JARID2: variants seen among roughly 807,000 people sequenced by gnomAD.
The protein encoded by JARID2 is jumonji and AT-rich interaction domain containing 2.
A neutral mutation model predicts 125.6 loss-of-function variants in JARID2; 21 were observed. The observed-to-expected ratio is 0.17, with a 90% CI of 0.12 to 0.24. The LOEUF is 0.24. JARID2 is among the 10% of genes least tolerant of loss of function. The probability of loss-of-function intolerance (pLI) is 1.00; values close to 1 mark genes in which losing one functional copy is unlikely to be tolerated. For synonymous variants in JARID2, 736 were observed against 661.6 expected (o/e 1.11, Z -1.73); for missense variants, 1,303 against 1,639.6 (o/e 0.79, Z 3.55).
intron 16 of JARID2, among the ~76,000 whole-genome samples, chr6:15,515,784 G>A (rs1315606695): frequency 2.0e-5 from 3 of 151,300 alleles, no homozygotes; most frequent in Non-Finnish European, 4.4e-5. Flanking sequence ...AACCAGGCAC[G>A]GTGGCTTATG....
chr6:15,515,238 G>A (rs1771490916), intron 16 of JARID2, among the ~76,000 whole-genome samples: 1 of 151,496 alleles, frequency 6.6e-6, no homozygotes, highest in African/African-American at 2.4e-5. Context: ...ATGGGGTTTT[G>A]CTGTTACCCA....
intron 1 of JARID2, among the ~76,000 whole-genome samples, chr6:15,361,309 C>G (rs1763783916): frequency 6.6e-6 from 1 of 152,172 alleles, no homozygotes; most frequent in African/African-American, 2.4e-5. Context: ...CACTGTCCCC[C>G]ATGATTTACC....
intron 1 of JARID2, among the ~76,000 whole-genome samples, chr6:15,345,963 A>G (rs538367277): frequency 6.6e-6 from 1 of 152,240 alleles, no homozygotes; most frequent in African/African-American, 2.4e-5. Context: ...TGGAGTGGTG[A>G]TATATGAAAC....
intron 5 of JARID2, among the ~76,000 whole-genome samples, chr6:15,473,649 A>G (rs937844406): frequency 1.3e-5 from 2 of 151,384 alleles, no homozygotes; most frequent in Admixed American, 6.6e-5. Context: ...TATGGGTTTT[A>G]TGTATTTGTT....
At chr6:15,517,753 G>GA (rs1771634377) in intron 17 of JARID2, among the ~76,000 whole-genome samples, 1 of 152,240 alleles carries the variant, frequency 6.6e-6, no homozygotes, top group Non-Finnish European at 1.5e-5. Context: ...CTCTTCTGGA[G>GA]AGGGGGGTCA....
At chr6:15,253,451 C>T (rs559269254) in intron 1 of JARID2, among the ~76,000 whole-genome samples, 1 of 151,148 alleles carries the variant, frequency 6.6e-6, no homozygotes, top group Non-Finnish European at 1.5e-5. Context: ...GTGGAAGACT[C>T]ATGTTTCCAG....
At chr6:15,516,612 C>T (rs950048317) in intron 16 of JARID2, among the ~76,000 whole-genome samples, 2 of 152,202 alleles carry the variant, frequency 1.3e-5, no homozygotes, top group South Asian at 2.1e-4. Context: ...TGCATGGGGT[C>T]GTTGGACGCC....
At chr6:15,272,729 G>A (rs1354150603) in intron 1 of JARID2, among the ~76,000 whole-genome samples, 1 of 152,080 alleles carries the variant, frequency 6.6e-6, no homozygotes, top group Non-Finnish European at 1.5e-5. Context: ...CATAGTCCTG[G>A]GTTTGAAGCC....
intron 1 of JARID2, among the ~76,000 whole-genome samples, chr6:15,350,224 G>A (rs11753952): frequency 0.077 from 11,681 of 152,174 alleles, 549 homozygotes; most frequent in African/African-American, 0.13. Flanking sequence ...GTCTAAGGGT[G>A]AAGTCACAGA....
intron 1 of JARID2, among the ~76,000 whole-genome samples, chr6:15,310,836 G>A (rs762986766): frequency 8.5e-5 from 13 of 152,120 alleles, no homozygotes; most frequent in East Asian, 1.9e-4. Context: ...AAATAATTTC[G>A]TGCCAGAAAC....
At chr6:15,319,257 G>A (rs1014292063) in intron 1 of JARID2, among the ~76,000 whole-genome samples, 28 of 152,014 alleles carry the variant, frequency 1.8e-4, no homozygotes, top group African/African-American at 6.5e-4. Flanking sequence ...TGAAGTTGGT[G>A]GACCAATGAG....
chr6:15,367,388 T>C (rs920536201), intron 1 of JARID2, among the ~76,000 whole-genome samples: 1 of 152,184 alleles, frequency 6.6e-6, no homozygotes, highest in Non-Finnish European at 1.5e-5. Flanking sequence ...AGGCTAGTAA[T>C]AGAAAATTCC....
Position 15,487,501 on chromosome 6 carries a change from C to T in JARID2, c.865C>T (p.His289Tyr). ...SAKGLAATHH[H>Y]PPLHRSAQDL... ...CAAGGGGCTTGCTGCCACCCATCACCACCCCCCTCTGCATCGGTCGGCTCA... is the reference window on the plus strand; with the variant it reads ...CAAGGGGCTTGCTGCCACCCATCACTACCCCCCTCTGCATCGGTCGGCTCA... Residue 289 changes from histidine to tyrosine, a missense_variant, in exon 6 of 18, where the codon CAC becomes TAC. Physicochemically the swap from His to Tyr is moderately conservative, Grantham distance 83. Transcript: ENST00000341776. 1 of 1,614,002 alleles carries T rather than the reference C, an allele frequency of 6.2e-7. No individual in the cohort carries two copies. Among genetic ancestry groups the T allele is most frequent in the South Asian group, 1.1e-5 (1 of 91,050 alleles).
intron 2 of JARID2, among the ~76,000 whole-genome samples, chr6:15,384,150 G>A (rs1764695670): frequency 6.6e-6 from 1 of 152,104 alleles, no homozygotes; most frequent in African/African-American, 2.4e-5. Context: ...CCAGGCCCAA[G>A]TGCACTGGGT....
At chr6:15,293,233 G>A (rs1001212716) in intron 1 of JARID2, among the ~76,000 whole-genome samples, 1 of 152,184 alleles carries the variant, frequency 6.6e-6, no homozygotes, top group African/African-American at 2.4e-5. Context: ...TTACAGTATG[G>A]TCAGTGAACT....
chr6:15,490,485 G>A (rs1161381972), intron 6 of JARID2, among the ~76,000 whole-genome samples: 3 of 152,294 alleles, frequency 2.0e-5, no homozygotes, highest in South Asian at 2.1e-4. Context: ...CCTAGAACCC[G>A]AGAGTTAGAA....
chr6:15,469,290 G>GTC (rs1165786020), intron 5 of JARID2, among the ~76,000 whole-genome samples: 3 of 76,782 alleles, frequency 3.9e-5, no homozygotes, highest in African/African-American at 1.6e-4. Flanking sequence ...CTCTGTCTCT[G>GTC]TCTCTCTGTC....
At chr6:15,322,211 T>C (rs772350411) in intron 1 of JARID2, among the ~76,000 whole-genome samples, 1 of 152,182 alleles carries the variant, frequency 6.6e-6, no homozygotes, top group Non-Finnish European at 1.5e-5. Flanking sequence ...TGTAGAATCA[T>C]AGGGTCATTT....
At chr6:15,338,239 G>T (rs912140827) in intron 1 of JARID2, among the ~76,000 whole-genome samples, 1 of 152,148 alleles carries the variant, frequency 6.6e-6, no homozygotes, top group Non-Finnish European at 1.5e-5. Context: ...AGAAGGAAGG[G>T]AATGAGGGAC....
Sources: gnomAD v4.1 joint callset for allele counts (sites outside exome capture counted in the v4.1 genomes callset) on GRCh38, gnomAD v4.1.1 for gene constraint, MANE v1.5 for transcripts, NCBI Gene and HGNC (gene_info 2026-07-23, HGNC 2026-07-21) for gene names.